SEMA3D: variants seen among roughly 807,000 people sequenced by gnomAD.
SEMA3D encodes semaphorin 3D.
SEMA3D carries 84 observed loss-of-function variants against 100.1 expected under a neutral mutation model. The observed-to-expected ratio is 0.84, with a 90% CI of 0.70 to 1.01. SEMA3D has a LOEUF of 1.01. Among genes scored for constraint, SEMA3D ranks in the 50% least tolerant of loss-of-function variants. SEMA3D has a pLI of 0.00. For synonymous variants in SEMA3D, 312 were observed against 320.7 expected, an observed-to-expected ratio of 0.97 and a Z score of 0.29; for missense variants, 875 against 934.1, an observed-to-expected ratio of 0.94 and a Z score of 0.82.
chr7:85,129,325 G>A (rs1174827667), intron 2 of SEMA3D, among the ~76,000 whole-genome samples: 1 of 151,946 alleles, frequency 6.6e-6, no homozygotes, highest in Non-Finnish European at 1.5e-5. Context: ...TTGTAAAACA[G>A]AATTTCTTTT....
the SEMA3D span, among the ~76,000 whole-genome samples, chr7:85,195,478 G>A: frequency 7.7e-4 from 116 of 151,228 alleles, 1 homozygote; most frequent in South Asian, 8.6e-3. Flanking sequence ...AATCTGAGTC[G>A]CTCTCTCATC....
chr7:85,141,352 T>C (rs1790047492), intron 2 of SEMA3D: 1 of 984,450 alleles, frequency 1.0e-6, no homozygotes, highest in Non-Finnish European at 1.2e-6. Context: ...GTCAACTAAC[T>C]GCACAGTATG....
chr7:85,249,177 C>T, the SEMA3D span, among the ~76,000 whole-genome samples: 1 of 152,132 alleles, frequency 6.6e-6, no homozygotes, highest in East Asian at 1.9e-4. Flanking sequence ...AACAAACAAA[C>T]AAAAAACCTA....
At chr7:85,083,804 G>A (rs1329654510) in intron 4 of SEMA3D, among the ~76,000 whole-genome samples, 15 of 139,416 alleles carry the variant, frequency 1.1e-4, no homozygotes, top group Non-Finnish European at 1.9e-4. Flanking sequence ...CCGAGATCGC[G>A]CCACTGCACT....
intron 3 of SEMA3D, among the ~76,000 whole-genome samples, chr7:85,106,858 C>G (rs567982532): frequency 1.3e-5 from 2 of 152,006 alleles, no homozygotes; most frequent in African/African-American, 4.8e-5. Flanking sequence ...CTCATGACAA[C>G]TCACTCACTA....
chr7:85,084,682 T>C (rs1349486999), intron 4 of SEMA3D, among the ~76,000 whole-genome samples: 1 of 152,136 alleles, frequency 6.6e-6, no homozygotes, highest in Non-Finnish European at 1.5e-5. Context: ...GTCATGAGGC[T>C]TTCTTGTAAA....
the SEMA3D span, among the ~76,000 whole-genome samples, chr7:85,210,468 TAGG>T: frequency 6.6e-6 from 1 of 152,064 alleles, no homozygotes; most frequent in Non-Finnish European, 1.5e-5. Flanking sequence ...TTAGGATTAT[TAGG>T]AGATTTCACA....
At chr7:85,228,338 T>C in the SEMA3D span, among the ~76,000 whole-genome samples, 1 of 152,148 alleles carries the variant, frequency 6.6e-6, no homozygotes, top group African/African-American at 2.4e-5. Context: ...TTCTACACTA[T>C]GCCAATTTTC....
intron 9 of SEMA3D, among the ~76,000 whole-genome samples, chr7:85,046,118 T>A (rs1791001904): frequency 6.6e-6 from 1 of 152,008 alleles, no homozygotes; most frequent in African/African-American, 2.4e-5. Context: ...GAAATTATTT[T>A]GTTATGTGAA....
At chr7:85,085,638 G>A (rs750776713) in intron 4 of SEMA3D, among the ~76,000 whole-genome samples, 1 of 152,196 alleles carries the variant, frequency 6.6e-6, no homozygotes, top group Non-Finnish European at 1.5e-5. Context: ...AGAGTGACAA[G>A]AGAGTACACG....
Position 85,015,221 on chromosome 7 carries a change from A to C in SEMA3D, c.1546-5T>G. On this transcript the variant is annotated splice_region_variant and splice_polypyrimidine_tract_variant and intron_variant, in intron 15 of 18. Coordinates refer to ENST00000284136, the MANE Select transcript of SEMA3D (RefSeq NM_001384900.1). ...GGAACCAATGTACAATTGTTGCTGC[A>C]AATCGGGCAAAACAAATGAATTAGA... 6.2e-7 allele frequency: 1 copy of C among 1,603,644 alleles called. No homozygotes were observed.
At chr7:85,250,103 T>A in the SEMA3D span, among the ~76,000 whole-genome samples, 1 of 151,686 alleles carries the variant, frequency 6.6e-6, no homozygotes, top group African/African-American at 2.4e-5. Flanking sequence ...AAGAAAGGGG[T>A]GAAGGACGCA....
the SEMA3D span, among the ~76,000 whole-genome samples, chr7:85,213,215 T>C: frequency 1.3e-5 from 2 of 151,948 alleles, no homozygotes; most frequent in African/African-American, 2.4e-5. Flanking sequence ...CAAATAGAGA[T>C]AGTGTGCTTA....
chr7:85,165,933 A>C (rs1161530479), intron 1 of SEMA3D, among the ~76,000 whole-genome samples: 1 of 152,092 alleles, frequency 6.6e-6, no homozygotes, highest in Non-Finnish European at 1.5e-5. Context: ...GAAAATGCAG[A>C]TGGGTTCATA....
At chr7:85,121,961 T>A in intron 2 of SEMA3D, 30 bp from the exon 3 acceptor site, 3 of 1,120,948 alleles carry the variant, frequency 2.7e-6, no homozygotes, top group Non-Finnish European at 3.7e-6. Context: ...AAAAAACTAT[T>A]AAGGTATCAG....
chr7:85,102,503 C>CTAGACATAAAGCCAGCATCTA (rs1225762375), intron 3 of SEMA3D, among the ~76,000 whole-genome samples: 2 of 151,940 alleles, frequency 1.3e-5, no homozygotes, highest in African/African-American at 4.8e-5. Context: ...ATAAGTGAGA[C>CTAGACATAAAGCCAGCATCTA]TAGACATAAA....
In SEMA3D at chr7:85,072,990, C is replaced by T. The variant is rs369263940; in HGVS notation, c.467G>A (p.Gly156Glu). 1.2e-6 allele frequency: 2 copies of T among 1,608,956 alleles called. No individual in the cohort carries two copies. The highest frequency in any genetic ancestry group is 2.2e-5 in the East Asian group (1 of 44,786). Residue 156 changes from glycine (G) to glutamate (E), a missense_variant, in exon 6 of 19, where the codon GGG (glycine) becomes GAG (glutamate). By Grantham distance (98) the Gly-to-Glu change is moderately conservative. Coordinates refer to ENST00000284136, the MANE Select transcript of SEMA3D (RefSeq NM_001384900.1). ...CGTGAFHPIC[G>E]YIDLGVYKED... ...CTTGTAGACTCCAAGATCAATATACCCACATATTGGATGAAATGCTCCAGT... is the reference window on the plus strand; with the variant it reads ...CTTGTAGACTCCAAGATCAATATACTCACATATTGGATGAAATGCTCCAGT...
chr7:85,015,012 C>T, intron 16 of SEMA3D, 47 bp downstream of exon 16: 1 of 1,437,710 alleles, frequency 7.0e-7, no homozygotes, highest in South Asian at 1.2e-5. Flanking sequence ...GTGAGATATT[C>T]AGCTTGTAGA....
At chr7:85,028,845 C>T in intron 12 of SEMA3D, 1 of 238,640 alleles carries the variant, frequency 4.2e-6, no homozygotes, top group Non-Finnish European at 8.5e-6. Flanking sequence ...GGTTGGTGGT[C>T]CTAATTGTAT....
Sources: allele counts gnomAD v4.1 joint callset (sites outside exome capture counted in the v4.1 genomes callset), GRCh38; gene constraint gnomAD v4.1.1; transcripts MANE v1.5; gene names NCBI Gene and HGNC (gene_info 2026-07-23, HGNC 2026-07-21).